The following COL8A1 variants were observed in gnomAD, a reference collection of about 807,000 sequenced individuals.
COL8A1 encodes the protein collagen type VIII alpha 1 chain, also known as collagen alpha-1(VIII) chain.
Under a neutral mutation model 42.7 loss-of-function variants are expected in COL8A1, and 21 were observed. The observed-to-expected ratio is 0.49, with a 90% CI of 0.35 to 0.71. The LOEUF is 0.71. COL8A1 is among the 30% of genes least tolerant of loss of function. COL8A1 has a pLI of 0.01. For missense variants in COL8A1, 788 were observed against 962.4 expected (o/e 0.82, Z 2.40); for synonymous variants, 367 against 369.1 (o/e 0.99, Z 0.06).
At chr3:99,676,461 A>G (rs917346092) in intron 1 of COL8A1, among the ~76,000 whole-genome samples, 4 of 152,120 alleles carry the variant, frequency 2.6e-5, no homozygotes, top group African/African-American at 9.6e-5. Flanking sequence ...CAATCAATGT[A>G]ATTTACCACA....
chr3:99,692,130 C>A (rs1195478839), intron 1 of COL8A1, among the ~76,000 whole-genome samples: 1 of 152,078 alleles, frequency 6.6e-6, no homozygotes, highest in African/African-American at 2.4e-5. Context: ...ACCACCAACC[C>A]CTACTCACAC....
chr3:99,652,390 A>G (rs2107291003), intron 1 of COL8A1, among the ~76,000 whole-genome samples: 1 of 152,326 alleles, frequency 6.6e-6, no homozygotes, highest in East Asian at 1.9e-4. Context: ...TGAATTTGGT[A>G]GGGAGGGGTT....
chr3:99,641,581 C>A (rs1033377136), intron 1 of COL8A1, among the ~76,000 whole-genome samples: 1 of 152,162 alleles, frequency 6.6e-6, no homozygotes, highest in African/African-American at 2.4e-5. Context: ...AACCCTAAGT[C>A]TCCTGAAAAG....
intron 2 of COL8A1, among the ~76,000 whole-genome samples, chr3:99,776,356 G>A (rs895190537): frequency 6.6e-6 from 1 of 152,138 alleles, no homozygotes; most frequent in African/African-American, 2.4e-5. Flanking sequence ...TCTTTGCCTT[G>A]GATTGACATT....
At chr3:99,688,006 A>C (rs1295779702) in intron 1 of COL8A1, among the ~76,000 whole-genome samples, 1 of 152,190 alleles carries the variant, frequency 6.6e-6, no homozygotes, top group East Asian at 1.9e-4. Flanking sequence ...CACCCGTATG[A>C]TCATCAATAT....
intron 1 of COL8A1, among the ~76,000 whole-genome samples, chr3:99,644,671 T>C (rs1228127900): frequency 2.0e-5 from 3 of 152,206 alleles, no homozygotes; most frequent in Non-Finnish European, 4.4e-5. Context: ...TTTAAGTAAG[T>C]CTTTCTTGAA....
intron 1 of COL8A1, among the ~76,000 whole-genome samples, chr3:99,711,319 G>C (rs1344017193): frequency 1.3e-5 from 2 of 152,138 alleles, no homozygotes; most frequent in East Asian, 1.9e-4. Flanking sequence ...AATTGAACTA[G>C]AGTCTGAAAA....
chr3:99,718,297 T>C (rs1029167771), intron 1 of COL8A1, among the ~76,000 whole-genome samples: 1 of 151,976 alleles, frequency 6.6e-6, no homozygotes, highest in African/African-American at 2.4e-5. Flanking sequence ...ACCAAATTGT[T>C]GTGGAGCAGA....
intron 2 of COL8A1, among the ~76,000 whole-genome samples, chr3:99,774,795 C>T (rs897635207): frequency 6.6e-6 from 1 of 152,152 alleles, no homozygotes; most frequent in African/African-American, 2.4e-5. Flanking sequence ...AGTGAGTCTC[C>T]AGCACTTGTT....
intron 2 of COL8A1, among the ~76,000 whole-genome samples, chr3:99,753,711 C>T (rs145529407): frequency 4.6e-5 from 7 of 152,176 alleles, no homozygotes; most frequent in East Asian, 1.9e-4. Flanking sequence ...TAATGTGCTC[C>T]GGTCTTATCT....
At chr3:99,769,008 T>C (rs1221286344) in intron 2 of COL8A1, among the ~76,000 whole-genome samples, 1 of 152,220 alleles carries the variant, frequency 6.6e-6, no homozygotes, top group East Asian at 1.9e-4. Context: ...GAAAGGATTT[T>C]GTTGTTATTT....
chr3:99,654,355 C>T (rs763720607), intron 1 of COL8A1, among the ~76,000 whole-genome samples: 2 of 152,148 alleles, frequency 1.3e-5, no homozygotes, highest in Non-Finnish European at 2.9e-5. Context: ...TCAATCCAAT[C>T]GAGTTGACAC....
intron 2 of COL8A1, among the ~76,000 whole-genome samples, chr3:99,766,499 T>A (rs944998842): frequency 1.3e-5 from 2 of 152,264 alleles, no homozygotes; most frequent in African/African-American, 4.8e-5. Flanking sequence ...TATTCTTTCC[T>A]CATTAATATA....
rs531576383 is a variant in COL8A1, at chr3:99,725,863, C to T, written c.-128-19034C>T. On this transcript the variant is annotated intron_variant, in intron 1 of 3. Coordinates refer to ENST00000652472, the MANE Select transcript of COL8A1 (RefSeq NM_020351.4). ...AAGTCTTTGCTATTGTGAATAGTGCCGCAATAAACATACGTGTGCATATGT... is the reference window on the plus strand; with the variant it reads ...AAGTCTTTGCTATTGTGAATAGTGCTGCAATAAACATACGTGTGCATATGT... 8.6e-5 allele frequency among the ~76,000 whole-genome samples: 13 copies of T among 151,822 alleles called. No homozygotes were observed. In the South Asian group the frequency reaches 2.1e-3, roughly 24 times the overall value.
At chr3:99,653,075 A>C (rs962928230) in intron 1 of COL8A1, among the ~76,000 whole-genome samples, 6 of 152,204 alleles carry the variant, frequency 3.9e-5, no homozygotes, top group African/African-American at 1.4e-4. Context: ...CTCAGGATTG[A>C]TGTGAAAGTT....
At chr3:99,732,850 G>A (rs1038869393) in intron 1 of COL8A1, among the ~76,000 whole-genome samples, 2 of 152,102 alleles carry the variant, frequency 1.3e-5, no homozygotes, top group Non-Finnish European at 2.9e-5. Flanking sequence ...TCAAAAGCAA[G>A]TTAGTTACTT....
At chr3:99,765,508 C>A (rs1941447246) in intron 2 of COL8A1, among the ~76,000 whole-genome samples, 1 of 152,154 alleles carries the variant, frequency 6.6e-6, no homozygotes, top group Admixed American at 6.5e-5. Flanking sequence ...CCAGTCTAAT[C>A]CTTTTTGGAG....
chr3:99,730,688 A>G (rs1383726856), intron 1 of COL8A1, among the ~76,000 whole-genome samples: 2 of 152,174 alleles, frequency 1.3e-5, no homozygotes, highest in Non-Finnish European at 2.9e-5. Context: ...TTTGGCAGCA[A>G]TAAAAATATT....
chr3:99,744,688 A>G (rs1940985082), intron 1 of COL8A1, among the ~76,000 whole-genome samples: 1 of 152,240 alleles, frequency 6.6e-6, no homozygotes, highest in Non-Finnish European at 1.5e-5. Context: ...AGAACTTACC[A>G]TATAATATAA....
Sources: allele counts gnomAD v4.1 joint callset (sites outside exome capture counted in the v4.1 genomes callset), GRCh38; gene constraint gnomAD v4.1.1; transcripts MANE v1.5; gene names NCBI Gene and HGNC (gene_info 2026-07-23, HGNC 2026-07-21).